The following TTLL8 variants were observed in gnomAD, a reference collection of about 807,000 sequenced individuals.
The protein encoded by TTLL8 is protein monoglycylase TTLL8.
A neutral mutation model predicts 77.8 loss-of-function variants in TTLL8; 65 were observed. That is an observed-to-expected ratio of 0.84 (90% CI 0.68 to 1.03). The LOEUF (loss-of-function observed/expected upper bound fraction) is 1.03, where lower values mean the gene tolerates loss of function less well. TTLL8 is among the 50% of genes least tolerant of loss of function. The pLI, the probability that TTLL8 is intolerant of heterozygous loss-of-function variation, is 0.00. For synonymous variants in TTLL8, 402 were observed against 422.8 expected (o/e 0.95, Z 0.60); for missense variants, 910 against 1,004.5 (o/e 0.91, Z 1.27).
At chr22:50,055,190 T>C, upstream of TTLL8, 1 of 1,276,632 alleles carries the variant, frequency 7.8e-7, no homozygotes, top group Non-Finnish European at 1.0e-6. Flanking sequence ...AATGTCCTTT[T>C]AAAAAAGTGT....
Position 50,044,652 on chromosome 22 carries a change from G to T in TTLL8, c.643+603C>A, listed in dbSNP as rs767249502. Among the ~76,000 whole-genome samples, 23 of 152,180 alleles carry T rather than the reference G, an allele frequency of 1.5e-4. No homozygotes were observed. The highest frequency in any genetic ancestry group is 2.6e-4 in the Non-Finnish European group (18 of 68,034). ...CGCCAATGTTCATCTGTCAACAGTC[G>T]AAGCGCACTGCTCTGGTGGGGGATG... On this transcript the variant is annotated intron_variant, in intron 6 of 13. Coordinates refer to ENST00000266182, the Ensembl canonical transcript of TTLL8. The surrounding 1 kb of genome is among the most constrained non-coding windows in gnomAD (Gnocchi z 4.2).
intron 8 of TTLL8, among the ~76,000 whole-genome samples, chr22:50,036,603 T>C (rs1218316735): frequency 1.7e-5 from 2 of 114,740 alleles, no homozygotes; most frequent in African/African-American, 3.2e-5. Context: ...TTTTCTTTTC[T>C]TTTTTTTTTT....
chr22:50,053,797 A>C (rs1400742142), intron 1 of TTLL8, among the ~76,000 whole-genome samples: 1 of 152,116 alleles, frequency 6.6e-6, no homozygotes, highest in East Asian at 1.9e-4. Context: ...TTGCTGCCTG[A>C]CTGCACATGT....
exon 10 of TTLL8, chr22:50,033,289 G>T: frequency 7.3e-7 from 1 of 1,363,454 alleles, no homozygotes; most frequent in Non-Finnish European, 9.8e-7. Context: ...GTTCCAGTCC[G>T]TGACGAGGAA....
chr22:50,035,013 A>G (rs2061326144), intron 8 of TTLL8, among the ~76,000 whole-genome samples: 2 of 152,194 alleles, frequency 1.3e-5, no homozygotes, highest in South Asian at 4.1e-4. Context: ...GTCACGGGCT[A>G]GACTCAGGAA....
At chr22:50,053,896 G>A (rs890817269) in intron 1 of TTLL8, among the ~76,000 whole-genome samples, 8 of 152,060 alleles carry the variant, frequency 5.3e-5, no homozygotes, top group South Asian at 2.1e-4. Flanking sequence ...GGGTGTGTCC[G>A]GCCGTAACAT....
intron 10 of TTLL8, 48 bp downstream of exon 11, chr22:50,033,154 G>A: frequency 7.7e-7 from 1 of 1,295,976 alleles, no homozygotes. Context: ...CATGCAGGCA[G>A]CAGCCCATTC....
rs915358740 is a variant in TTLL8 at position 50,044,662 on chromosome 22, G to C, written c.643+593C>G. Among the ~76,000 whole-genome samples, 39 of 152,372 alleles carry C rather than the reference G, an allele frequency of 2.6e-4. No individual in the cohort carries two copies. Among genetic ancestry groups the C allele is most frequent in the African/African-American group, 9.1e-4 (38 of 41,600 alleles). Reference sequence around the variant, plus strand: ...CATCTGTCAACAGTCGAAGCGCACTGCTCTGGTGGGGGATGTTGGCGGTGC... The same window carrying C: ...CATCTGTCAACAGTCGAAGCGCACTCCTCTGGTGGGGGATGTTGGCGGTGC... On this transcript the variant is annotated intron_variant, in intron 6 of 13. Transcript: ENST00000266182. This position sits in a 1 kb window ranked among gnomAD's most constrained non-coding sequence, Gnocchi z 4.2.
At chr22:50,026,025 G>T (rs2061228079) in intron 12 of TTLL8, among the ~76,000 whole-genome samples, 2 of 152,132 alleles carry the variant, frequency 1.3e-5, no homozygotes, top group Admixed American at 6.5e-5. Context: ...GCCACTCTTG[G>T]ACACACAGCC....
intron 1 of TTLL8, among the ~76,000 whole-genome samples, chr22:50,053,849 T>C (rs2061457176): frequency 6.6e-6 from 1 of 152,208 alleles, no homozygotes; most frequent in Non-Finnish European, 1.5e-5. Flanking sequence ...GGAGACTGTC[T>C]GACTGCCCAT....
At chr22:50,050,810 G>T (rs550094222) in intron 1 of TTLL8, among the ~76,000 whole-genome samples, 2 of 152,164 alleles carry the variant, frequency 1.3e-5, no homozygotes, top group Non-Finnish European at 2.9e-5. Flanking sequence ...CCCCAGTCAC[G>T]TTTCCCATGC....
exon 11 of TTLL8, chr22:50,031,698 G>T: frequency 7.7e-7 from 1 of 1,304,544 alleles, no homozygotes; most frequent in Non-Finnish European, 1.0e-6. Context: ...GCCTCCACAG[G>T]AGCTCGAAGT....
intron 6 of TTLL8, among the ~76,000 whole-genome samples, chr22:50,043,259 G>A (rs2061384095): frequency 6.6e-6 from 1 of 150,766 alleles, no homozygotes; most frequent in Admixed American, 6.6e-5. Context: ...AAACAGTGGT[G>A]CCGAGACGTC....
Position 50,025,376 on chromosome 22 carries a change from C to T in TTLL8, c.2203+5054G>A, listed in dbSNP as rs571340577. On this transcript the variant is annotated intron_variant, in intron 12 of 13. Coordinates refer to ENST00000266182, the Ensembl canonical transcript of TTLL8. ...ACTGTGCATATCTGACAAATAAATA[C>T]ACAGAAGAGGCCGGGCGCGGGGGCT... is the stretch of plus-strand genomic sequence containing the variant. Among the ~76,000 whole-genome samples, 231 of 151,426 alleles carry T rather than the reference C, an allele frequency of 1.5e-3. 2 individuals carry two copies. Among genetic ancestry groups the T allele is most frequent in the African/African-American group, 5.4e-3 (222 of 41,284 alleles).
chr22:50,027,551 A>AG lies in TTLL8; in HGVS notation c.2203+2878dup. The AG allele has an allele frequency of 3.9e-6, 3 of 770,816 alleles. No homozygotes were observed. The East Asian group carries it at 3.8e-4, about 99-fold the overall frequency. 47.7% of individuals were successfully genotyped at this position (770,816 alleles called of 1,614,324 possible). A position where few individuals can be genotyped will look rare whatever the true frequency, so the allele number is the denominator to read the frequency against. On this transcript the variant is annotated intron_variant, in intron 12 of 13. Transcript: ENST00000266182. ...TCCGTCTCAAAAAAAAAAAAAAAAA[A>AG]GGATGTCCGTTCTCCCCAAGATCTG...
chr22:50,045,254 C>T lies in TTLL8; in HGVS notation c.643+1G>A, dbSNP rs982714374. ...CACTGCCCTGCCCCGGCCCAGCGCA[C>T]CTTGCCTGCTGCTCAGGTCGCTGCT... is the stretch of plus-strand genomic sequence containing the variant. On this transcript the variant is annotated splice_donor_variant, in intron 6 of 13. Transcript: ENST00000266182. LOFTEE classifies it high-confidence loss of function. The T allele has an allele frequency of 9.6e-6, 13 of 1,353,818 alleles. No homozygotes were observed. The highest frequency in any genetic ancestry group is 3.8e-5 in the Admixed American group (2 of 52,366). 83.9% of individuals were successfully genotyped at this position (1,353,818 alleles called of 1,614,324 possible). A position where few individuals can be genotyped will look rare whatever the true frequency, so the allele number is the denominator to read the frequency against.
At position 50,033,088 on chromosome 22, in the gene TTLL8, G is replaced by T. The variant is rs1215627262; in HGVS notation, c.1283+114C>A. 4.2e-6 allele frequency: 5 copies of T among 1,196,488 alleles called. No individual in the cohort carries two copies. In the East Asian group the frequency reaches 2.9e-4, roughly 70 times the overall value. The allele number at this position is 1,196,488 out of a possible 1,614,324, so 74.1% of individuals were successfully genotyped here. On this transcript the variant is annotated intron_variant, in intron 10 of 13. Coordinates refer to ENST00000266182, the Ensembl canonical transcript of TTLL8. ...TTCCCCATCTGTGCCTCTCGTGGTG[G>T]CAGGTGGCAGTGAGGGGGCCCTGCC...
At chr22:50,050,379 T>C in intron 1 of TTLL8, 132 bp from the exon 4 acceptor site, 1 of 482,538 alleles carries the variant, frequency 2.1e-6, no homozygotes, top group Non-Finnish European at 3.4e-6. Context: ...TATGTCCTTT[T>C]TTTTTTTTTT....
chr22:50,020,906 G>A (rs1435903018), intron 12 of TTLL8, among the ~76,000 whole-genome samples: 1 of 135,550 alleles, frequency 7.4e-6, no homozygotes, highest in Non-Finnish European at 1.6e-5. Context: ...CATCTGACGT[G>A]CACTCCTCCA....
Sources: allele counts gnomAD v4.1 joint callset (sites outside exome capture counted in the v4.1 genomes callset), GRCh38; gene constraint gnomAD v4.1.1; non-coding constraint Gnocchi (gnomAD v3.1); transcripts MANE v1.5; gene names NCBI Gene and HGNC (gene_info 2026-07-23, HGNC 2026-07-21).